The following EPHB1 variants were observed in gnomAD, a reference collection of about 807,000 sequenced individuals.
EPHB1 encodes the protein ephrin type-B receptor 1.
Under a neutral mutation model 94.4 loss-of-function variants are expected in EPHB1, and 30 were observed. The observed-to-expected ratio is 0.32, with a 90% CI of 0.24 to 0.43. EPHB1 has a LOEUF of 0.43. Ranked by LOEUF, EPHB1 falls within the 20% of genes least tolerant of loss-of-function variation. The pLI is 1.00. For missense variants in EPHB1, 1,055 were observed against 1,308.3 expected, an observed-to-expected ratio of 0.81 and a Z score of 2.99; for synonymous variants, 522 against 489.1, an observed-to-expected ratio of 1.07 and a Z score of -0.89.
At chr3:135,084,609 T>G (rs1283749813) in intron 3 of EPHB1, among the ~76,000 whole-genome samples, 1 of 152,150 alleles carries the variant, frequency 6.6e-6, no homozygotes, top group Non-Finnish European at 1.5e-5. Flanking sequence ...AGAAGGCAAT[T>G]GCAGTCCAGA....
At chr3:134,899,731 A>G (rs1212180272) in intron 1 of EPHB1, among the ~76,000 whole-genome samples, 1 of 152,178 alleles carries the variant, frequency 6.6e-6, no homozygotes, top group Non-Finnish European at 1.5e-5. Flanking sequence ...CTTGACTGCA[A>G]TGGCATGATC....
At chr3:134,827,526 T>G (rs1413475693) in intron 1 of EPHB1, among the ~76,000 whole-genome samples, 1 of 152,238 alleles carries the variant, frequency 6.6e-6, no homozygotes, top group Non-Finnish European at 1.5e-5. Flanking sequence ...CCTAAAGCTC[T>G]CCTATCATGA....
At chr3:135,236,106 A>G (rs771970321) in intron 12 of EPHB1, among the ~76,000 whole-genome samples, 1 of 152,176 alleles carries the variant, frequency 6.6e-6, no homozygotes, top group Non-Finnish European at 1.5e-5. Flanking sequence ...TTAAACAGAA[A>G]TTTATTCTAT....
intron 5 of EPHB1, among the ~76,000 whole-genome samples, chr3:135,138,721 A>G (rs1027588864): frequency 1.3e-5 from 2 of 152,252 alleles, no homozygotes; most frequent in Non-Finnish European, 2.9e-5. Flanking sequence ...TTAATAAAGA[A>G]AAGTTAAAAA....
chr3:134,957,673 A>C (rs1348588973), intron 3 of EPHB1, among the ~76,000 whole-genome samples: 2 of 152,158 alleles, frequency 1.3e-5, no homozygotes, highest in Admixed American at 1.3e-4. Context: ...TGTTATAGAA[A>C]CAAACATCCC....
In EPHB1 at chr3:134,859,628, A is replaced by G. The variant is rs557691106; in HGVS notation, c.58+63939A>G. 2.0e-5 allele frequency among the ~76,000 whole-genome samples: 3 copies of G among 152,304 alleles called. No homozygotes were observed. The East Asian group carries it at 5.8e-4, about 29-fold the overall frequency. ...CATAGCATCTTCCCTCTGAGCTTCAAGACCCTGGCTTCTGTCCTCATGGAG... is the reference window on the plus strand; with the variant it reads ...CATAGCATCTTCCCTCTGAGCTTCAGGACCCTGGCTTCTGTCCTCATGGAG... On this transcript the variant is annotated intron_variant, in intron 1 of 15. Coordinates refer to ENST00000398015, the MANE Select transcript of EPHB1 (RefSeq NM_004441.5).
At chr3:135,146,288 G>T (rs1941006270) in intron 5 of EPHB1, among the ~76,000 whole-genome samples, 1 of 152,236 alleles carries the variant, frequency 6.6e-6, no homozygotes, top group East Asian at 1.9e-4. Context: ...GCCATTGAAG[G>T]TTTTTAGCAT....
At chr3:134,928,365 C>T (rs39704) in intron 2 of EPHB1, among the ~76,000 whole-genome samples, 89,280 of 152,130 alleles carry the variant, frequency 0.59, 28,447 homozygotes, top group African/African-American at 0.85. Flanking sequence ...AAAGTTTATA[C>T]CTCTCTGTGT....
At chr3:134,953,998 C>T (rs1266746321) in intron 3 of EPHB1, among the ~76,000 whole-genome samples, 1 of 152,234 alleles carries the variant, frequency 6.6e-6, no homozygotes. Flanking sequence ...ACTTTACAAA[C>T]TACTTATTGC....
At chr3:135,078,150 G>A (rs981231057) in intron 3 of EPHB1, among the ~76,000 whole-genome samples, 3 of 152,208 alleles carry the variant, frequency 2.0e-5, no homozygotes, top group Admixed American at 2.0e-4. Flanking sequence ...TAGATTTGAT[G>A]GGGTAAGAGG....
chr3:135,077,510 G>A (rs1045427590), intron 3 of EPHB1, among the ~76,000 whole-genome samples: 2 of 152,176 alleles, frequency 1.3e-5, no homozygotes, highest in African/African-American at 4.8e-5. Flanking sequence ...GCTTTCTAGT[G>A]TACATCACTG....
Position 134,795,676 on chromosome 3 carries a change from G to A in EPHB1, c.45G>A (p.Val15=), listed in dbSNP as rs766352153. Residue 15 remains valine (V), a synonymous_variant, in exon 1 of 16, where the codon GTG becomes GTA. Transcript: ENST00000398015. ...YLLLLLLASA[V]AAMEETLMDT... The stretch of plus-strand genomic sequence containing the variant: ...TACTGCTCCTCCTGGCATCCGCAGT[G>A]GCTGCGATGGAAGGTAACGTACCCT... 9.9e-6 allele frequency: 16 copies of A among 1,610,000 alleles called. No individual in the cohort carries two copies. The African/African-American group carries it at 1.1e-4, about 11-fold the overall frequency.
At chr3:134,897,397 G>A (rs1002122479) in intron 1 of EPHB1, among the ~76,000 whole-genome samples, 5 of 152,164 alleles carry the variant, frequency 3.3e-5, no homozygotes, top group Non-Finnish European at 7.3e-5. Context: ...GTGAAGGAGC[G>A]GCCCTGCAGG....
intron 3 of EPHB1, among the ~76,000 whole-genome samples, chr3:135,062,923 G>A (rs1267512826): frequency 6.6e-6 from 1 of 152,008 alleles, no homozygotes; most frequent in Non-Finnish European, 1.5e-5. Flanking sequence ...AATATCCCAG[G>A]ATGATTTGTT....
At chr3:134,845,791 C>T (rs983048337) in intron 1 of EPHB1, among the ~76,000 whole-genome samples, 2 of 152,234 alleles carry the variant, frequency 1.3e-5, no homozygotes, top group African/African-American at 4.8e-5. Context: ...TGCCCCAAAG[C>T]ACTCACATGT....
Position 134,795,670 on chromosome 3 carries a change from C to A in EPHB1, c.39C>A (p.Ser13=). The A allele has an allele frequency of 6.2e-7, 1 of 1,609,774 alleles. No individual in the cohort carries two copies. Among genetic ancestry groups the A allele is most frequent in the Non-Finnish European group, 8.5e-7 (1 of 1,178,344 alleles). The change falls in exon 1 of 16, where the codon TCC becomes TCA. Residue 13 remains serine (S), a synonymous_variant. Transcript: ENST00000398015. ...ATCTACTACTGCTCCTCCTGGCATC[C>A]GCAGTGGCTGCGATGGAAGGTAACG... ...LDYLLLLLLA[S]AVAAMEETLM... is the part of the protein sequence containing the mutation.
In EPHB1 at chr3:134,814,106, G is replaced by T. The variant is rs181752765; in HGVS notation, c.58+18417G>T. ...CACTGCCCAGGATCACTCAGGGAGA[G>T]GCTGATGCGCATGCCACCGTGGCAA... On this transcript the variant is annotated intron_variant, in intron 1 of 15. Transcript: ENST00000398015. 4.3e-3 allele frequency among the ~76,000 whole-genome samples: 651 copies of T among 152,292 alleles called. 2 individuals carry two copies. The highest frequency in any genetic ancestry group is 7.5e-3 in the Non-Finnish European group (511 of 68,022).
chr3:135,200,454 C>G (rs1942723699), intron 11 of EPHB1, among the ~76,000 whole-genome samples: 1 of 152,180 alleles, frequency 6.6e-6, no homozygotes, highest in Non-Finnish European at 1.5e-5. Context: ...CCCACTGTCC[C>G]TATGAGGTAG....
chr3:134,936,451 C>T (rs2039003513), intron 2 of EPHB1, among the ~76,000 whole-genome samples: 3 of 152,112 alleles, frequency 2.0e-5, no homozygotes, highest in Non-Finnish European at 4.4e-5. Context: ...TTCCCACCCC[C>T]TAGGTCCTGA....
Sources: gnomAD v4.1 joint callset for allele counts (sites outside exome capture counted in the v4.1 genomes callset) on GRCh38, gnomAD v4.1.1 for gene constraint, MANE v1.5 for transcripts, NCBI Gene and HGNC (gene_info 2026-07-23, HGNC 2026-07-21) for gene names.